Variants in PRSS23 observed in about 807,000 individuals in gnomAD.
PRSS23 encodes the protein protease, serine 23.
Under a neutral mutation model 34.7 loss-of-function variants are expected in PRSS23, and 25 were observed. The ratio of observed to expected loss-of-function variants is 0.72; its 90% CI spans 0.53 to 1.01. PRSS23 has a LOEUF of 1.01. Among genes scored for constraint, PRSS23 ranks in the 50% least tolerant of loss-of-function variants. PRSS23 has a pLI of 0.00. For missense variants in PRSS23, 445 were observed against 475.6 expected, an observed-to-expected ratio of 0.94 and a Z score of 0.60; for synonymous variants, 176 against 186.6, an observed-to-expected ratio of 0.94 and a Z score of 0.46.
intron 2 of PRSS23, among the ~76,000 whole-genome samples, chr11:86,926,030 T>C (rs1313928262): frequency 2.0e-5 from 3 of 152,162 alleles, no homozygotes; most frequent in Non-Finnish European, 4.4e-5. Flanking sequence ...ATATATTGAG[T>C]CTACCATGCT....
At chr11:86,791,694 G>C (rs1947952909) in intron 1 of PRSS23, among the ~76,000 whole-genome samples, 1 of 152,308 alleles carries the variant, frequency 6.6e-6, no homozygotes, top group Non-Finnish European at 1.5e-5. Flanking sequence ...GCTCACTGCT[G>C]TCTGTTTTCC....
In PRSS23 at chr11:86,867,823, G is replaced by T. The variant is rs547145384; in HGVS notation, c.206+44230G>T. ...GCCCAGGAGGCTAAGGCTGCAGTGA[G>T]CTGAGGTTGTGCCACTGCACTCCAG... On this transcript the variant is annotated intron_variant, in intron 2 of 2. Coordinates refer to the PRSS23 transcript ENST00000533902. 2.0e-3 allele frequency among the ~76,000 whole-genome samples: 288 copies of T among 146,120 alleles called. 1 individual carries two copies. Among genetic ancestry groups the T allele is most frequent in the Admixed American group, 3.4e-3 (50 of 14,574 alleles).
rs1299511786 is a variant in PRSS23, at chr11:86,873,213, CACAG to C, written c.206+49622_206+49625del. Among the ~76,000 whole-genome samples the C allele has an allele frequency of 1.1e-4, 11 of 102,852 alleles. No homozygotes were observed. In the South Asian group the frequency reaches 1.2e-3, roughly 12 times the overall value. 67.5% of individuals were successfully genotyped at this position (102,852 alleles called of 152,430 possible). On this transcript the variant is annotated intron_variant, in intron 2 of 2. Transcript: ENST00000533902. ...ACATATATATACACACACACACACA[CACAG>C]ATATATGTATATATATATACACACA...
At chr11:86,843,120 A>C (rs1948460818) in intron 2 of PRSS23, among the ~76,000 whole-genome samples, 1 of 152,174 alleles carries the variant, frequency 6.6e-6, no homozygotes, top group Non-Finnish European at 1.5e-5. Flanking sequence ...AACACCACTC[A>C]TCTACAACCA....
chr11:86,827,358 A>T (rs1374062182), intron 2 of PRSS23, among the ~76,000 whole-genome samples: 1 of 151,908 alleles, frequency 6.6e-6, no homozygotes, highest in Non-Finnish European at 1.5e-5. Flanking sequence ...ATCATTTTTT[A>T]TTGCCTCTAT....
At chr11:86,941,026 G>C (rs889430736) in intron 2 of PRSS23, 3 of 152,186 alleles carry the variant, frequency 2.0e-5, no homozygotes, top group African/African-American at 4.8e-5. Flanking sequence ...GGCACATAAT[G>C]AGTAAGTTTC....
intron 2 of PRSS23, among the ~76,000 whole-genome samples, chr11:86,842,760 C>T (rs1031556930): frequency 6.6e-6 from 1 of 152,048 alleles, no homozygotes; most frequent in African/African-American, 2.4e-5. Context: ...CACTGCTCAA[C>T]GAAATAAAAG....
intron 2 of PRSS23, among the ~76,000 whole-genome samples, chr11:86,896,857 T>A (rs1469636736): frequency 3.3e-5 from 5 of 152,246 alleles, no homozygotes; most frequent in Admixed American, 2.0e-4. Context: ...CTGGAAATGT[T>A]ACATTGAAAA....
intron 2 of PRSS23, among the ~76,000 whole-genome samples, chr11:86,902,425 A>C (rs1488822055): frequency 6.6e-6 from 1 of 152,116 alleles, no homozygotes; most frequent in Admixed American, 6.5e-5. Flanking sequence ...TTATCTTTGG[A>C]TGACCTAGAT....
intron 2 of PRSS23, chr11:86,837,395 T>G: frequency 6.6e-6 from 1 of 152,232 alleles, no homozygotes; most frequent in Middle Eastern, 3.2e-3. Context: ...AGTAATTGCT[T>G]ACTCGAGTAG....
intron 2 of PRSS23, among the ~76,000 whole-genome samples, chr11:86,930,721 C>T (rs896515635): frequency 1.3e-5 from 2 of 148,760 alleles, no homozygotes; most frequent in Non-Finnish European, 3.0e-5. Context: ...ACCTGGGAGG[C>T]GGAGCTTGCA....
At chr11:86,886,800 A>T (rs1404037439) in intron 2 of PRSS23, among the ~76,000 whole-genome samples, 1 of 152,142 alleles carries the variant, frequency 6.6e-6, no homozygotes, top group Non-Finnish European at 1.5e-5. Flanking sequence ...TTAGCCAGGC[A>T]TGGTGGTGGG....
chr11:86,872,357 G>C (rs1374615227), intron 2 of PRSS23, among the ~76,000 whole-genome samples: 5 of 152,088 alleles, frequency 3.3e-5, no homozygotes, highest in Non-Finnish European at 5.9e-5. Context: ...TAAAGTTCTT[G>C]AATATCAAGT....
chr11:86,908,796 G>T (rs1273445966), intron 2 of PRSS23, among the ~76,000 whole-genome samples: 1 of 151,936 alleles, frequency 6.6e-6, no homozygotes, highest in Non-Finnish European at 1.5e-5. Context: ...TATTGTAATG[G>T]TTTCTATCCT....
chr11:86,951,058 C>A lies in PRSS23; in HGVS notation c.207-158C>A. On this transcript the variant is annotated intron_variant, in intron 2 of 2. Transcript: ENST00000533902. ...GCTAGTTTGTTCAAACTGAGATTCA[C>A]TGCATAAAACTTTTAGTAGAATTTC... 5.6e-6 allele frequency: 8 copies of A among 1,423,300 alleles called. No homozygotes were observed. The South Asian group carries it at 9.2e-5, about 16-fold the overall frequency. The allele number at this position is 1,423,300 out of a possible 1,614,324, so 88.2% of individuals were successfully genotyped here.
At chr11:86,862,353 A>T (rs1479929174) in intron 2 of PRSS23, among the ~76,000 whole-genome samples, 1 of 151,764 alleles carries the variant, frequency 6.6e-6, no homozygotes, top group Non-Finnish European at 1.5e-5. Flanking sequence ...CTCCTAATGT[A>T]CAGGGGGTGT....
intron 2 of PRSS23, among the ~76,000 whole-genome samples, chr11:86,883,628 G>A (rs1948784694): frequency 2.0e-5 from 3 of 152,126 alleles, no homozygotes; most frequent in Admixed American, 2.0e-4. Context: ...TTCAATAAAA[G>A]CAAAAATAGA....
intron 2 of PRSS23, among the ~76,000 whole-genome samples, chr11:86,849,012 A>G (rs1483464548): frequency 1.3e-5 from 2 of 152,198 alleles, no homozygotes; most frequent in Non-Finnish European, 2.9e-5. Flanking sequence ...GCCCCAGAGG[A>G]TGAAGGCCCC....
chr11:86,844,051 T>A (rs1212536105), intron 2 of PRSS23, among the ~76,000 whole-genome samples: 1 of 152,198 alleles, frequency 6.6e-6, no homozygotes, highest in Non-Finnish European at 1.5e-5. Flanking sequence ...TAAGAAAATG[T>A]GGCACACATA....
Sources: allele counts gnomAD v4.1 joint callset (sites outside exome capture counted in the v4.1 genomes callset), GRCh38; gene constraint gnomAD v4.1.1; transcripts MANE v1.5; gene names NCBI Gene and HGNC (gene_info 2026-07-23, HGNC 2026-07-21).